Variants in PCDHA4 observed in about 807,000 individuals in gnomAD.
PCDHA4 encodes protocadherin alpha 4, also known as protocadherin alpha-4.
In PCDHA4, 49 loss-of-function variants were observed where a neutral mutation model predicts 61.4. That is an observed-to-expected ratio of 0.80 (90% CI 0.63 to 1.01). The LOEUF (loss-of-function observed/expected upper bound fraction) is 1.01, where lower values mean the gene tolerates loss of function less well. Among genes scored for constraint, PCDHA4 ranks in the 50% least tolerant of loss-of-function variants. PCDHA4 has a pLI of 0.00. For synonymous variants in PCDHA4, 590 were observed against 550.3 expected (o/e 1.07, Z -1.01); for missense variants, 1,254 against 1,235.8 (o/e 1.01, Z -0.22).
chr5:140,960,665 G>A (rs1180311598), intron 1 of PCDHA4, among the ~76,000 whole-genome samples: 2 of 152,066 alleles, frequency 1.3e-5, no homozygotes, highest in Non-Finnish European at 2.9e-5. Context: ...TGAATGCTTT[G>A]GCTAAAACCT....
intron 1 of PCDHA4, among the ~76,000 whole-genome samples, chr5:140,943,997 T>C (rs1387803558): frequency 2.0e-5 from 3 of 152,178 alleles, no homozygotes; most frequent in African/African-American, 7.2e-5. Flanking sequence ...ACAGAACTAC[T>C]GAGTACCCCC....
chr5:140,928,572 C>T, intron 1 of PCDHA4: 1 of 1,614,200 alleles, frequency 6.2e-7, no homozygotes, highest in Non-Finnish European at 8.5e-7. Flanking sequence ...TTCCCTTGCC[C>T]AGAAATGGTT....
In PCDHA4 at chr5:140,848,922, G is replaced by A. The variant is rs2150424904; in HGVS notation, c.2385+39350G>A. Reference sequence around the variant, plus strand: ...AGCGACACAAAAGAATCTGTTCATCGCGGAATCCAGGCCGCTTGACTCTCG... The same window carrying A: ...AGCGACACAAAAGAATCTGTTCATCACGGAATCCAGGCCGCTTGACTCTCG... On this transcript the variant is annotated intron_variant, in intron 1 of 3. Transcript: ENST00000530339. The A allele has an allele frequency of 1.1e-5, 18 of 1,607,650 alleles. 1 individual carries two copies. The highest frequency in any genetic ancestry group is 2.7e-5 in the African/African-American group (2 of 73,700).
intron 1 of PCDHA4, chr5:140,930,201 A>G (rs1185112868): frequency 6.6e-6 from 1 of 152,178 alleles, no homozygotes; most frequent in Non-Finnish European, 1.5e-5. Flanking sequence ...TTATGTCAGA[A>G]ATATTTATGT....
At chr5:140,969,069 T>C in intron 1 of PCDHA4, 1 of 1,614,160 alleles carries the variant, frequency 6.2e-7, no homozygotes, top group Non-Finnish European at 8.5e-7. Context: ...GATGCCAGGA[T>C]ACCGCATGGC....
At chr5:140,896,019 C>A (rs2065310725) in intron 1 of PCDHA4, among the ~76,000 whole-genome samples, 1 of 152,144 alleles carries the variant, frequency 6.6e-6, no homozygotes, top group African/African-American at 2.4e-5. Flanking sequence ...CCATGTTGGC[C>A]AGGCTGGTCT....
intron 3 of PCDHA4, among the ~76,000 whole-genome samples, chr5:141,001,535 G>A (rs2098024806): frequency 6.6e-6 from 1 of 152,182 alleles, no homozygotes; most frequent in South Asian, 2.1e-4. Flanking sequence ...TCTGATCCTG[G>A]ACAGGATTTG....
chr5:141,009,557 C>T (rs782135260), intron 3 of PCDHA4, 70 bp from the exon 4 acceptor site: 38 of 1,565,272 alleles, frequency 2.4e-5, no homozygotes, highest in Non-Finnish European at 2.8e-5. Flanking sequence ...TACTCCTGTA[C>T]TCTACCAGCA....
chr5:140,991,719 A>T (rs1451245400), intron 3 of PCDHA4, among the ~76,000 whole-genome samples: 1 of 152,194 alleles, frequency 6.6e-6, no homozygotes, highest in African/African-American at 2.4e-5. Flanking sequence ...TGCTACTAGC[A>T]GCCTGTTCAA....
chr5:140,967,520 G>A, intron 1 of PCDHA4: 1 of 1,612,918 alleles, frequency 6.2e-7, no homozygotes, highest in East Asian at 2.2e-5. Context: ...GGACACTAAC[G>A]ACAACTCTCC....
intron 1 of PCDHA4, chr5:140,835,757 C>T (rs1467581889): frequency 2.5e-6 from 4 of 1,613,278 alleles, no homozygotes; most frequent in Admixed American, 1.7e-5. Context: ...TCGCGCAGCC[C>T]GAGTATACGG....
rs1554169514 is a variant in PCDHA4, at chr5:140,877,250, A to C, written c.2385+67678A>C. On this transcript the variant is annotated intron_variant, in intron 1 of 3. Transcript: ENST00000530339. Reference sequence around the variant, plus strand: ...GTGGGTGCGGGCCACGTGGTGGCGAAAGTGCGCGCGGTGGACGCTGACTCC... The same window carrying C: ...GTGGGTGCGGGCCACGTGGTGGCGACAGTGCGCGCGGTGGACGCTGACTCC... 1.9e-6 allele frequency: 3 copies of C among 1,613,668 alleles called. No homozygotes were observed. In the African/African-American group the frequency reaches 4.0e-5, roughly 22 times the overall value.
chr5:140,869,666 A>C, intron 1 of PCDHA4: 12 of 1,613,524 alleles, frequency 7.4e-6, no homozygotes, highest in Non-Finnish European at 1.0e-5. Flanking sequence ...AATGGTAAGC[A>C]GATTAAAAGA....
intron 1 of PCDHA4, among the ~76,000 whole-genome samples, chr5:140,964,532 G>A (rs995586958): frequency 2.0e-5 from 3 of 152,156 alleles, no homozygotes; most frequent in Non-Finnish European, 4.4e-5. Context: ...TCTGAGCTGC[G>A]TGCAGAGATG....
intron 1 of PCDHA4, chr5:140,968,630 TA>T: frequency 6.2e-7 from 1 of 1,614,192 alleles, no homozygotes; most frequent in Non-Finnish European, 8.5e-7. Flanking sequence ...TTGGCTTTTT[TA>T]CCATCTAGCC....
Position 140,835,371 on chromosome 5 carries a change from C to G in PCDHA4, c.2385+25799C>G, listed in dbSNP as rs2150234593. On this transcript the variant is annotated intron_variant, in intron 1 of 3. Transcript: ENST00000530339. ...GGCTGTCGATAAAGGCTTCCCACCCCTGGCTGGTCATTGTACAGTTCTTGT... is the reference window on the plus strand; with the variant it reads ...GGCTGTCGATAAAGGCTTCCCACCCGTGGCTGGTCATTGTACAGTTCTTGT... The G allele has an allele frequency of 8.7e-6, 14 of 1,613,974 alleles. No homozygotes were observed. The highest frequency in any genetic ancestry group is 1.1e-5 in the Non-Finnish European group (13 of 1,179,870).
chr5:140,869,469 G>T, intron 1 of PCDHA4: 1 of 1,614,210 alleles, frequency 6.2e-7, no homozygotes, highest in Non-Finnish European at 8.5e-7. Context: ...TGAACGTGGA[G>T]GTGAAGGACA....
intron 1 of PCDHA4, among the ~76,000 whole-genome samples, chr5:140,955,756 A>G (rs987029779): frequency 2.6e-5 from 4 of 152,182 alleles, no homozygotes; most frequent in African/African-American, 9.7e-5. Flanking sequence ...TATTGCCATA[A>G]CACTGATTCT....
At chr5:140,862,842 G>T (rs1554157108) in intron 1 of PCDHA4, 2 of 572,864 alleles carry the variant, frequency 3.5e-6, no homozygotes, top group Middle Eastern at 3.7e-4. Context: ...CGGGCATGCC[G>T]CCTCTGAGCA....
Sources: allele counts gnomAD v4.1 joint callset (sites outside exome capture counted in the v4.1 genomes callset), GRCh38; gene constraint gnomAD v4.1.1; transcripts MANE v1.5; gene names NCBI Gene and HGNC (gene_info 2026-07-23, HGNC 2026-07-21).